SLC8A3: variants seen among roughly 807,000 people sequenced by gnomAD.
SLC8A3 encodes the protein sodium/calcium exchanger 3.
A neutral mutation model predicts 65.4 loss-of-function variants in SLC8A3; 37 were observed. The ratio of observed to expected loss-of-function variants is 0.57; its 90% CI spans 0.44 to 0.74. SLC8A3 has a LOEUF of 0.74. Ranked by LOEUF, SLC8A3 falls within the 30% of genes least tolerant of loss-of-function variation. The pLI is 0.00. For missense variants in SLC8A3, 1,112 were observed against 1,172.1 expected (o/e 0.95, Z 0.75); for synonymous variants, 461 against 444.5 (o/e 1.04, Z -0.47).
chr14:70,181,597 T>A (rs547652257), intron 1 of SLC8A3, among the ~76,000 whole-genome samples: 2 of 152,082 alleles, frequency 1.3e-5, no homozygotes, highest in African/African-American at 4.8e-5. Context: ...GGCATTTGAA[T>A]TGAACACTGA....
intron 2 of SLC8A3, among the ~76,000 whole-genome samples, chr14:70,138,341 T>G (rs975050952): frequency 2.6e-5 from 4 of 152,236 alleles, no homozygotes; most frequent in African/African-American, 9.6e-5. Flanking sequence ...GAAGAGTACC[T>G]GGCACATAGT....
intron 2 of SLC8A3, among the ~76,000 whole-genome samples, chr14:70,095,396 A>G (rs2140082407): frequency 1.3e-5 from 2 of 152,350 alleles, no homozygotes; most frequent in Middle Eastern, 6.8e-3. Context: ...CACAAAGGCC[A>G]GAGACCTGGA....
intron 2 of SLC8A3, among the ~76,000 whole-genome samples, chr14:70,088,898 A>G (rs1891630474): frequency 6.6e-6 from 1 of 152,052 alleles, no homozygotes; most frequent in African/African-American, 2.4e-5. Context: ...CTACCTCATG[A>G]ACACATTTTC....
intron 2 of SLC8A3, among the ~76,000 whole-genome samples, chr14:70,151,685 A>G (rs1165889291): frequency 1.3e-5 from 2 of 152,220 alleles, no homozygotes; most frequent in Non-Finnish European, 2.9e-5. Flanking sequence ...AAAACAGTAG[A>G]AATGTATTCT....
chr14:70,054,177 G>A (rs1322500504), intron 3 of SLC8A3, among the ~76,000 whole-genome samples: 1 of 151,900 alleles, frequency 6.6e-6, no homozygotes, highest in African/African-American at 2.4e-5. Flanking sequence ...AGCTTGCCAG[G>A]CCAGACAAGA....
chr14:70,132,885 T>C (rs991664670), intron 2 of SLC8A3, among the ~76,000 whole-genome samples: 2 of 152,120 alleles, frequency 1.3e-5, no homozygotes, highest in Non-Finnish European at 2.9e-5. Context: ...AAATCTGTTT[T>C]TGGGGGGCCA....
intron 2 of SLC8A3, among the ~76,000 whole-genome samples, chr14:70,125,785 C>G (rs532362040): frequency 1.4e-4 from 21 of 152,054 alleles, no homozygotes; most frequent in Non-Finnish European, 2.8e-4. Context: ...AACAAAAAAC[C>G]CACTCATGTC....
intron 2 of SLC8A3, among the ~76,000 whole-genome samples, chr14:70,142,499 T>G (rs1021659871): frequency 2.0e-5 from 3 of 152,242 alleles, no homozygotes; most frequent in Admixed American, 6.5e-5. Context: ...AGTGTAAGAC[T>G]GCATTCTTGG....
intron 2 of SLC8A3, among the ~76,000 whole-genome samples, chr14:70,119,281 ACT>A (rs1478048804): frequency 2.6e-5 from 4 of 151,696 alleles, no homozygotes; most frequent in East Asian, 3.9e-4. Context: ...GTGGGAAAAC[ACT>A]CTCTTTTTAC....
chr14:70,168,520 GA>G, intron 1 of SLC8A3, 36 bp from the exon 2 acceptor site: 3 of 927,018 alleles, frequency 3.2e-6, no homozygotes, highest in Non-Finnish European at 4.8e-6. Context: ...AAGGCATGAG[GA>G]AAAAGGGGAC....
chr14:70,140,606 C>T (rs889839298), intron 2 of SLC8A3, among the ~76,000 whole-genome samples: 4 of 152,176 alleles, frequency 2.6e-5, no homozygotes, highest in Admixed American at 6.5e-5. Flanking sequence ...TCACTTTCCT[C>T]CTCTGTAAAA....
intron 2 of SLC8A3, among the ~76,000 whole-genome samples, chr14:70,069,855 T>A (rs1045025604): frequency 7.9e-5 from 12 of 152,176 alleles, no homozygotes; most frequent in African/African-American, 2.4e-4. Flanking sequence ...CACCCAAGCA[T>A]CTTGTTAATG....
chr14:70,105,194 T>A (rs1892782543), intron 2 of SLC8A3, among the ~76,000 whole-genome samples: 1 of 152,078 alleles, frequency 6.6e-6, no homozygotes, highest in African/African-American at 2.4e-5. Flanking sequence ...CCGGGCATGG[T>A]GGCTGGTGCC....
chr14:70,139,744 GAGAGGGGTT>G (rs1895444702), intron 2 of SLC8A3, among the ~76,000 whole-genome samples: 1 of 152,200 alleles, frequency 6.6e-6, no homozygotes, highest in South Asian at 2.1e-4. Context: ...ATGCCCCCGG[GAGAGGGGTT>G]AGATGAATGG....
upstream of SLC8A3, chr14:70,188,998 A>G (rs1398666021): frequency 1.3e-5 from 2 of 152,198 alleles, no homozygotes; most frequent in African/African-American, 4.8e-5. Context: ...AGCTGCCGGA[A>G]GAAGCCAAAT....
At chr14:70,086,734 C>A (rs1891473967) in intron 2 of SLC8A3, among the ~76,000 whole-genome samples, 1 of 152,056 alleles carries the variant, frequency 6.6e-6, no homozygotes, top group Non-Finnish European at 1.5e-5. Context: ...AGCACCAAAG[C>A]CTTCATTTGA....
chr14:70,182,539 T>C (rs749172995), intron 1 of SLC8A3, among the ~76,000 whole-genome samples: 1 of 121,426 alleles, frequency 8.2e-6, no homozygotes, highest in African/African-American at 3.2e-5. Flanking sequence ...TGGTCAATAT[T>C]ATCTGGTGCA....
At chr14:70,058,405 C>T (rs575615837) in intron 3 of SLC8A3, among the ~76,000 whole-genome samples, 8 of 152,228 alleles carry the variant, frequency 5.3e-5, no homozygotes, top group South Asian at 4.2e-4. Context: ...GGAAATTAAC[C>T]GCCTAGAAAA....
At chr14:70,161,854 T>G (rs932899530) in intron 2 of SLC8A3, among the ~76,000 whole-genome samples, 3 of 152,240 alleles carry the variant, frequency 2.0e-5, no homozygotes, top group Non-Finnish European at 4.4e-5. Context: ...AAAGATTTCT[T>G]GGGGTTAAAA....
Sources: allele counts gnomAD v4.1 joint callset (sites outside exome capture counted in the v4.1 genomes callset), GRCh38; gene constraint gnomAD v4.1.1; transcripts MANE v1.5; gene names NCBI Gene and HGNC (gene_info 2026-07-23, HGNC 2026-07-21).